GPC5: variants seen among roughly 807,000 people sequenced by gnomAD.
GPC5 encodes the protein glypican 5, also known as glypican-5.
GPC5 carries 47 observed loss-of-function variants against 53.9 expected under a neutral mutation model. The ratio of observed to expected loss-of-function variants is 0.87; its 90% CI spans 0.69 to 1.11. The LOEUF (loss-of-function observed/expected upper bound fraction) is 1.11, where lower values mean the gene tolerates loss of function less well. GPC5 is among the 50% of genes most tolerant of loss of function. The pLI is 0.00. For synonymous variants in GPC5, 286 were observed against 263.3 expected (o/e 1.09, Z -0.84); for missense variants, 748 against 713.1 (o/e 1.05, Z -0.56).
intron 7 of GPC5, among the ~76,000 whole-genome samples, chr13:92,346,303 T>C (rs2043411788): frequency 6.6e-6 from 1 of 152,082 alleles, no homozygotes. Flanking sequence ...TCCCATACAG[T>C]AGAATTTCCT....
chr13:92,684,321 A>G (rs1332633463), intron 7 of GPC5, among the ~76,000 whole-genome samples: 1 of 151,216 alleles, frequency 6.6e-6, no homozygotes, highest in Admixed American at 6.6e-5. Flanking sequence ...CCCAGGGTGG[A>G]GCGCAGTGGC....
At chr13:92,661,998 A>G (rs1264562676) in intron 7 of GPC5, among the ~76,000 whole-genome samples, 3 of 152,128 alleles carry the variant, frequency 2.0e-5, no homozygotes, top group Non-Finnish European at 4.4e-5. Context: ...TTAAATGCTA[A>G]ATCTTACATC....
At chr13:91,458,467 A>G (rs796146450) in intron 2 of GPC5, among the ~76,000 whole-genome samples, 3 of 152,288 alleles carry the variant, frequency 2.0e-5, no homozygotes, top group African/African-American at 7.2e-5. Flanking sequence ...CTTCTAATCA[A>G]TGTAGATATA....
chr13:92,535,900 G>A (rs1389063866), intron 7 of GPC5, among the ~76,000 whole-genome samples: 10 of 152,048 alleles, frequency 6.6e-5, no homozygotes, highest in Admixed American at 6.6e-4. Flanking sequence ...TGTGAGCATT[G>A]ATAATCATGA....
At chr13:92,493,599 C>T (rs1435342108) in intron 7 of GPC5, among the ~76,000 whole-genome samples, 1 of 152,132 alleles carries the variant, frequency 6.6e-6, no homozygotes, top group Non-Finnish European at 1.5e-5. Context: ...TCCTCAGTCT[C>T]AAGGTCTGTC....
intron 7 of GPC5, among the ~76,000 whole-genome samples, chr13:92,290,642 T>C (rs935620881): frequency 9.9e-5 from 15 of 152,196 alleles, no homozygotes; most frequent in Admixed American, 5.9e-4. Flanking sequence ...CTCATCCAGG[T>C]AGCTGTGCAT....
intron 1 of GPC5, among the ~76,000 whole-genome samples, chr13:91,439,850 C>T (rs1880288325): frequency 6.6e-6 from 1 of 152,140 alleles, no homozygotes; most frequent in Non-Finnish European, 1.5e-5. Context: ...CTCAAAATAA[C>T]CATTAGAGTG....
intron 6 of GPC5, among the ~76,000 whole-genome samples, chr13:91,970,580 A>T (rs934116269): frequency 6.6e-6 from 1 of 152,140 alleles, no homozygotes; most frequent in African/African-American, 2.4e-5. Context: ...TGTATTTGTC[A>T]GTTGTACCTC....
chr13:91,419,313 A>G (rs1878445125), intron 1 of GPC5, among the ~76,000 whole-genome samples: 1 of 152,200 alleles, frequency 6.6e-6, no homozygotes, highest in African/African-American at 2.4e-5. Flanking sequence ...GAGCACAAGC[A>G]TAAAAATAAT....
At chr13:91,762,152 T>G (rs1301078010) in intron 5 of GPC5, among the ~76,000 whole-genome samples, 1 of 152,222 alleles carries the variant, frequency 6.6e-6, no homozygotes, top group African/African-American at 2.4e-5. Context: ...GCTTTTATGA[T>G]AAGCTGACCC....
intron 2 of GPC5, among the ~76,000 whole-genome samples, chr13:91,571,540 A>G (rs1052405018): frequency 6.6e-5 from 10 of 151,938 alleles, no homozygotes; most frequent in Non-Finnish European, 1.5e-5. Flanking sequence ...CCTGGCCAAC[A>G]TGGTGAAACC....
chr13:91,766,452 T>C (rs1566671469), intron 5 of GPC5, among the ~76,000 whole-genome samples: 1 of 152,236 alleles, frequency 6.6e-6, no homozygotes, highest in Non-Finnish European at 1.5e-5. Flanking sequence ...GCTCAGTGGT[T>C]AGGAACAGGT....
intron 7 of GPC5, among the ~76,000 whole-genome samples, chr13:92,718,087 T>C (rs1888389373): frequency 6.6e-6 from 1 of 152,172 alleles, no homozygotes; most frequent in South Asian, 2.1e-4. Context: ...AGGGAACGCT[T>C]GTACATTGCT....
intron 2 of GPC5, among the ~76,000 whole-genome samples, chr13:91,600,068 A>G (rs1256807946): frequency 6.6e-6 from 1 of 152,030 alleles, no homozygotes; most frequent in Admixed American, 6.6e-5. Flanking sequence ...TTATAGGCAC[A>G]TGCCACCACA....
chr13:91,679,380 C>T (rs533290878), intron 2 of GPC5, among the ~76,000 whole-genome samples: 3 of 151,946 alleles, frequency 2.0e-5, no homozygotes, highest in Non-Finnish European at 4.4e-5. Context: ...GATGCTGAAA[C>T]AATAGAGGGA....
At chr13:92,288,742 T>C (rs1007934522) in intron 7 of GPC5, among the ~76,000 whole-genome samples, 1 of 152,210 alleles carries the variant, frequency 6.6e-6, no homozygotes, top group African/African-American at 2.4e-5. Flanking sequence ...AAAACACTTT[T>C]GTTATCAAAA....
chr13:92,297,222 T>C (rs1312149669), intron 7 of GPC5, among the ~76,000 whole-genome samples: 1 of 152,154 alleles, frequency 6.6e-6, no homozygotes, highest in Admixed American at 6.5e-5. Flanking sequence ...GGTTTGTGAG[T>C]GCACCAATCG....
intron 7 of GPC5, among the ~76,000 whole-genome samples, chr13:92,382,399 C>T (rs1458759778): frequency 6.6e-6 from 1 of 152,090 alleles, no homozygotes; most frequent in Non-Finnish European, 1.5e-5. Context: ...CCTGGTTTCG[C>T]ATCTGTTCTA....
chr13:92,030,235 C>A lies in GPC5; in HGVS notation c.1402-114595C>A, dbSNP rs113488080. Reference sequence around the variant, plus strand: ...TGACTCTCTGTCCATAGCATAAGACCAGAGAAAAATGAAGCCCTCAGTTGG... The same window carrying A: ...TGACTCTCTGTCCATAGCATAAGACAAGAGAAAAATGAAGCCCTCAGTTGG... On this transcript the variant is annotated intron_variant, in intron 6 of 7. Coordinates refer to ENST00000377067, the MANE Select transcript of GPC5 (RefSeq NM_004466.6). Among the ~76,000 whole-genome samples, 1,250 of 152,148 alleles carry A rather than the reference C, an allele frequency of 8.2e-3. 18 individuals are homozygous for A. Among genetic ancestry groups the A allele is most frequent in the African/African-American group, 0.028 (1,163 of 41,498 alleles).
Sources: gnomAD v4.1 joint callset for allele counts (sites outside exome capture counted in the v4.1 genomes callset) on GRCh38, gnomAD v4.1.1 for gene constraint, MANE v1.5 for transcripts, NCBI Gene and HGNC (gene_info 2026-07-23, HGNC 2026-07-21) for gene names.